MAPK10: variants seen among roughly 807,000 people sequenced by gnomAD.
The protein encoded by MAPK10 is JNK3 alpha protein kinase.
Under a neutral mutation model 59.3 loss-of-function variants are expected in MAPK10, and 25 were observed. That is an observed-to-expected ratio of 0.42 (90% CI 0.31 to 0.59). MAPK10 has a LOEUF of 0.59. Ranked by LOEUF, MAPK10 falls within the 20% of genes least tolerant of loss-of-function variation. The pLI is 0.15. For missense variants in MAPK10, 351 were observed against 568.9 expected (o/e 0.62, Z 3.90); for synonymous variants, 190 against 200.5 (o/e 0.95, Z 0.44).
At chr4:86,135,272 A>G (rs1034766926) in intron 4 of MAPK10, among the ~76,000 whole-genome samples, 1 of 152,202 alleles carries the variant, frequency 6.6e-6, no homozygotes, top group Non-Finnish European at 1.5e-5. Flanking sequence ...ACCTCTGCAG[A>G]CTTAAATGTC....
At chr4:86,576,503 G>A (rs931144311) in intron 1 of MAPK10, among the ~76,000 whole-genome samples, 1 of 152,124 alleles carries the variant, frequency 6.6e-6, no homozygotes, top group Non-Finnish European at 1.5e-5. Context: ...GGCCGGGCGC[G>A]GTGGCTCACG....
At chr4:86,409,194 CA>C in intron 1 of MAPK10, among the ~76,000 whole-genome samples, 1 of 152,226 alleles carries the variant, frequency 6.6e-6, no homozygotes, top group East Asian at 1.9e-4. Flanking sequence ...TCAGATTTGT[CA>C]AAGATCAGAT....
intron 1 of MAPK10, among the ~76,000 whole-genome samples, chr4:86,355,572 CTG>C (rs1004595638): frequency 1.1e-4 from 16 of 152,096 alleles, no homozygotes; most frequent in African/African-American, 3.6e-4. Flanking sequence ...ATGGCAGAAA[CTG>C]TGTTACAGTT....
chr4:86,163,178 G>A (rs74692816), intron 3 of MAPK10, among the ~76,000 whole-genome samples: 12,897 of 152,042 alleles, frequency 0.085, 1,215 homozygotes, highest in African/African-American at 0.23. Context: ...AATAGCATAG[G>A]AAATTTTCTT....
At chr4:86,304,387 C>CT (rs1162506350) in intron 2 of MAPK10, among the ~76,000 whole-genome samples, 5,944 of 112,208 alleles carry the variant, frequency 0.053, 460 homozygotes, top group African/African-American at 0.12. Flanking sequence ...TGGAGTATTT[C>CT]TTTTTTTTTT....
chr4:86,509,482 A>C (rs531431798), intron 1 of MAPK10, among the ~76,000 whole-genome samples: 8 of 151,906 alleles, frequency 5.3e-5, no homozygotes, highest in South Asian at 2.1e-4. Flanking sequence ...AACAAACAAA[A>C]AAAAACCTGC....
chr4:86,542,515 C>A (rs1162895902), intron 1 of MAPK10: 1 of 154,036 alleles, frequency 6.5e-6, no homozygotes, highest in Non-Finnish European at 1.5e-5. Context: ...CAAGGCTGTG[C>A]ACACTACAGC....
Position 86,094,644 on chromosome 4 carries a change from T to A in MAPK10, c.802+3880A>T, listed in dbSNP as rs1038539748. ...CTGGGACTATAGGAGTCTTTGATAA[T>A]CAACAAGATGGCATGTCCTGGTTGG... On this transcript the variant is annotated intron_variant, in intron 9 of 13. Transcript: ENST00000641462. Among the ~76,000 whole-genome samples, 23 of 151,836 alleles carry A rather than the reference T, an allele frequency of 1.5e-4. 1 individual carries two copies. The highest frequency in any genetic ancestry group is 1.5e-3 in the Admixed American group (23 of 15,224).
chr4:86,134,991 G>C (rs866251154), intron 4 of MAPK10, among the ~76,000 whole-genome samples: 1 of 152,192 alleles, frequency 6.6e-6, no homozygotes, highest in African/African-American at 2.4e-5. Context: ...CTTAAAAAAC[G>C]GCGCACCACG....
intron 1 of MAPK10, among the ~76,000 whole-genome samples, chr4:86,391,390 A>G (rs1297882110): frequency 6.6e-6 from 1 of 152,226 alleles, no homozygotes; most frequent in African/African-American, 2.4e-5. Context: ...TACAAGTCAG[A>G]GTAGTTCAGT....
chr4:86,144,024 G>T (rs2064242951), intron 4 of MAPK10, among the ~76,000 whole-genome samples: 1 of 152,090 alleles, frequency 6.6e-6, no homozygotes, highest in African/African-American at 2.4e-5. Context: ...AATATTTTTT[G>T]AATGCATACA....
chr4:86,540,799 C>G (rs183417896), intron 1 of MAPK10, among the ~76,000 whole-genome samples: 1 of 151,994 alleles, frequency 6.6e-6, no homozygotes, highest in Non-Finnish European at 1.5e-5. Context: ...GGTTTCTTGA[C>G]ATGAGAAAAG....
At chr4:86,349,245 A>G (rs988036680) in intron 2 of MAPK10, among the ~76,000 whole-genome samples, 1 of 152,200 alleles carries the variant, frequency 6.6e-6, no homozygotes, top group Non-Finnish European at 1.5e-5. Flanking sequence ...TGCCTTCCAC[A>G]TTGTATCCAG....
chr4:86,320,171 C>T (rs1352720214), intron 2 of MAPK10, among the ~76,000 whole-genome samples: 1 of 152,200 alleles, frequency 6.6e-6, no homozygotes, highest in Non-Finnish European at 1.5e-5. Context: ...TGGTTTTTCA[C>T]ATCCGTAAAA....
At chr4:86,067,535 C>T (rs1049873398) in intron 10 of MAPK10, among the ~76,000 whole-genome samples, 1 of 152,054 alleles carries the variant, frequency 6.6e-6, no homozygotes, top group Non-Finnish European at 1.5e-5. Context: ...GAGGCTGTGC[C>T]AATTAAAGAA....
At chr4:86,325,344 A>G (rs2095998861) in intron 2 of MAPK10, among the ~76,000 whole-genome samples, 1 of 152,236 alleles carries the variant, frequency 6.6e-6, no homozygotes, top group Non-Finnish European at 1.5e-5. Flanking sequence ...GGTCACTACT[A>G]TTATCTCCAT....
At chr4:86,027,363 A>G (rs1448444322) in intron 13 of MAPK10, 2 of 152,192 alleles carry the variant, frequency 1.3e-5, no homozygotes, top group African/African-American at 4.8e-5. Flanking sequence ...ATATTTTAGA[A>G]TTAATCATTA....
chr4:86,588,446 T>C (rs1762784850), intron 1 of MAPK10, among the ~76,000 whole-genome samples: 1 of 152,228 alleles, frequency 6.6e-6, no homozygotes, highest in Admixed American at 6.5e-5. Flanking sequence ...TATATATTTA[T>C]AGATATAGGT....
chr4:86,120,102 T>C (rs1162525538), intron 4 of MAPK10: 1 of 152,222 alleles, frequency 6.6e-6, no homozygotes, highest in Admixed American at 6.5e-5. Flanking sequence ...TACAGCAATA[T>C]GCTCTGGAGT....
Sources: allele counts gnomAD v4.1 joint callset (sites outside exome capture counted in the v4.1 genomes callset), GRCh38; gene constraint gnomAD v4.1.1; transcripts MANE v1.5; gene names NCBI Gene and HGNC (gene_info 2026-07-23, HGNC 2026-07-21).